ARHGAP18: variants seen among roughly 807,000 people sequenced by gnomAD.
ARHGAP18 encodes Rho GTPase activating protein 18.
Under a neutral mutation model 86.2 loss-of-function variants are expected in ARHGAP18, and 67 were observed. The observed-to-expected ratio is 0.78, with a 90% CI of 0.64 to 0.95. The LOEUF (loss-of-function observed/expected upper bound fraction) is 0.95, where lower values mean the gene tolerates loss of function less well. Ranked by LOEUF, ARHGAP18 falls within the 40% of genes least tolerant of loss-of-function variation. The pLI, the probability that ARHGAP18 is intolerant of heterozygous loss-of-function variation, is 0.00. For synonymous variants in ARHGAP18, 283 were observed against 280.4 expected (o/e 1.01, Z -0.09); for missense variants, 691 against 780.4 (o/e 0.89, Z 1.37).
In ARHGAP18 at chr6:129,710,069, G is replaced by T. The variant is rs766566421; in HGVS notation, c.68C>A (p.Thr23Asn). 1.2e-6 allele frequency: 2 copies of T among 1,614,010 alleles called. No individual in the cohort carries two copies. The highest frequency in any genetic ancestry group is 1.7e-6 in the Non-Finnish European group (2 of 1,179,968). ...TAYHPSGKDQ[T>N]VGNSHAKAGE... Reference sequence around the variant, plus strand: ...TGCCTTTGCATGGCTGTTCCCGACGGTCTGGTCCTTGCCGCTGGGGTGGTA... The same window carrying T: ...TGCCTTTGCATGGCTGTTCCCGACGTTCTGGTCCTTGCCGCTGGGGTGGTA... Residue 23 changes from threonine to asparagine, a missense_variant, in exon 1 of 15, where the codon ACC becomes AAC. Physicochemically the swap from Thr to Asn is moderately conservative, Grantham distance 65. Coordinates refer to ENST00000368149, the MANE Select transcript of ARHGAP18 (RefSeq NM_033515.3).
At chr6:129,599,531 T>C (rs1295514789) in intron 11 of ARHGAP18, among the ~76,000 whole-genome samples, 175 bp from the exon 12 acceptor site, 1 of 152,178 alleles carries the variant, frequency 6.6e-6, no homozygotes, top group Non-Finnish European at 1.5e-5. Context: ...TACTTCATAT[T>C]ATTCACTTAC....
intron 1 of ARHGAP18, among the ~76,000 whole-genome samples, chr6:129,667,460 A>C (rs906341874): frequency 2.3e-4 from 26 of 114,178 alleles, no homozygotes; most frequent in African/African-American, 9.3e-4. Context: ...TATCAAAAGA[A>C]AAATATATAT....
At chr6:129,699,784 G>A (rs1452385736) in intron 1 of ARHGAP18, among the ~76,000 whole-genome samples, 2 of 152,144 alleles carry the variant, frequency 1.3e-5, no homozygotes, top group Non-Finnish European at 2.9e-5. Context: ...TCTCTTAGAG[G>A]TGGAAGCAAA....
At chr6:129,667,097 T>G (rs902463904) in intron 1 of ARHGAP18, among the ~76,000 whole-genome samples, 1 of 152,194 alleles carries the variant, frequency 6.6e-6, no homozygotes, top group Non-Finnish European at 1.5e-5. Flanking sequence ...CATTTTCATT[T>G]TATAAACTCA....
intron 12 of ARHGAP18, among the ~76,000 whole-genome samples, chr6:129,584,410 A>G (rs974129002): frequency 4.6e-5 from 7 of 152,226 alleles, no homozygotes; most frequent in African/African-American, 1.7e-4. Flanking sequence ...ATTATCTACT[A>G]GAGGGTGCTT....
At chr6:129,584,611 T>C (rs1788355269) in intron 12 of ARHGAP18, among the ~76,000 whole-genome samples, 1 of 152,216 alleles carries the variant, frequency 6.6e-6, no homozygotes, top group Admixed American at 6.5e-5. Context: ...AATGAGCTCA[T>C]GCTTTTTGGC....
intron 1 of ARHGAP18, among the ~76,000 whole-genome samples, chr6:129,690,782 CAAAT>C (rs916714367): frequency 3.9e-5 from 6 of 152,204 alleles, no homozygotes; most frequent in African/African-American, 1.2e-4. Context: ...CATGTGAGAC[CAAAT>C]AAATTTTATA....
At chr6:129,615,041 A>G (rs76778866) in intron 7 of ARHGAP18, among the ~76,000 whole-genome samples, 1 of 151,362 alleles carries the variant, frequency 6.6e-6, no homozygotes, top group African/African-American at 2.4e-5. Flanking sequence ...TGAGCCAATT[A>G]AAAAAAAACA....
intron 12 of ARHGAP18, among the ~76,000 whole-genome samples, chr6:129,597,439 G>A (rs2114444538): frequency 6.6e-6 from 1 of 152,208 alleles, no homozygotes; most frequent in East Asian, 1.9e-4. Context: ...CAGGTTAGAT[G>A]GCTCTTCTCT....
intron 1 of ARHGAP18, among the ~76,000 whole-genome samples, chr6:129,653,924 T>C (rs1055214621): frequency 4.6e-5 from 7 of 152,026 alleles, no homozygotes; most frequent in African/African-American, 1.7e-4. Flanking sequence ...GTGACTGTAG[T>C]CCCAGCTACT....
chr6:129,708,247 T>C (rs901519925), intron 1 of ARHGAP18, among the ~76,000 whole-genome samples: 1 of 152,114 alleles, frequency 6.6e-6, no homozygotes, highest in Non-Finnish European at 1.5e-5. Flanking sequence ...ACTAATTCAG[T>C]GGTGGGAAGT....
At chr6:129,581,801 G>A (rs1020872822) in intron 13 of ARHGAP18, among the ~76,000 whole-genome samples, 1 of 152,134 alleles carries the variant, frequency 6.6e-6, no homozygotes, top group Non-Finnish European at 1.5e-5. Flanking sequence ...CCCAGCACAG[G>A]TGGAATACAA....
intron 5 of ARHGAP18, among the ~76,000 whole-genome samples, chr6:129,622,589 A>G (rs930550736): frequency 6.6e-6 from 1 of 152,198 alleles, no homozygotes; most frequent in African/African-American, 2.4e-5. Flanking sequence ...TTAAATATTT[A>G]TGAAGTTTCC....
intron 9 of ARHGAP18, 149 bp from the exon 10 acceptor site, chr6:129,606,108 A>G (rs1364691802): frequency 1.4e-5 from 10 of 701,864 alleles, no homozygotes; most frequent in Middle Eastern, 7.5e-4. Context: ...CCTTGTTGAG[A>G]GTGTGTTTGT....
chr6:129,699,200 T>C (rs1554344842), intron 1 of ARHGAP18, among the ~76,000 whole-genome samples: 1 of 152,180 alleles, frequency 6.6e-6, no homozygotes, highest in Non-Finnish European at 1.5e-5. Flanking sequence ...TCATCTAAAG[T>C]CACAAGAATG....
At chr6:129,611,686 A>G in intron 7 of ARHGAP18, 76 bp from the exon 8 acceptor site, 2 of 1,262,536 alleles carry the variant, frequency 1.6e-6, no homozygotes, top group Non-Finnish European at 2.3e-6. Flanking sequence ...TCTGTTTCAC[A>G]TATAAATAAA....
intron 3 of ARHGAP18, 100 bp from the exon 4 acceptor site, chr6:129,634,205 G>A: frequency 1.0e-6 from 1 of 979,664 alleles, no homozygotes; most frequent in Non-Finnish European, 1.6e-6. Flanking sequence ...TACAAGACAT[G>A]TACTCAGAAT....
rs566815428 is a variant in ARHGAP18 at position 129,646,612 on chromosome 6, A to G, written c.114-4594T>C. Among the ~76,000 whole-genome samples, 12 of 152,376 alleles carry G rather than the reference A, an allele frequency of 7.9e-5. No homozygotes were observed. In the East Asian group the frequency reaches 2.3e-3, roughly 29 times the overall value. On this transcript the variant is annotated intron_variant, in intron 1 of 14. Coordinates refer to ENST00000368149, the MANE Select transcript of ARHGAP18 (RefSeq NM_033515.3). Reference sequence around the variant, plus strand: ...CATCTTCACATAGATAACATTAAAAAGGCCATTTTTCAAATAAAAATAGTG... The same window carrying G: ...CATCTTCACATAGATAACATTAAAAGGGCCATTTTTCAAATAAAAATAGTG...
At chr6:129,595,574 C>T (rs1325736556) in intron 12 of ARHGAP18, among the ~76,000 whole-genome samples, 1 of 152,130 alleles carries the variant, frequency 6.6e-6, no homozygotes, top group African/African-American at 2.4e-5. Flanking sequence ...AATTACCTAC[C>T]ATCTCCTACC....
Sources: gnomAD v4.1 joint callset for allele counts (sites outside exome capture counted in the v4.1 genomes callset) on GRCh38, gnomAD v4.1.1 for gene constraint, MANE v1.5 for transcripts, NCBI Gene and HGNC (gene_info 2026-07-23, HGNC 2026-07-21) for gene names.